The following KLHL1 variants were observed in gnomAD, a reference collection of about 807,000 sequenced individuals.
KLHL1 encodes kelch like family member 1, also known as kelch-like protein 1.
Under a neutral mutation model 77.7 loss-of-function variants are expected in KLHL1, and 47 were observed. The ratio of observed to expected loss-of-function variants is 0.60; its 90% CI spans 0.48 to 0.77. KLHL1 has a LOEUF of 0.77. Among genes scored for constraint, KLHL1 ranks in the 30% least tolerant of loss-of-function variants. The pLI is 0.00. For missense variants in KLHL1, 925 were observed against 910.8 expected, an observed-to-expected ratio of 1.02 and a Z score of -0.20; for synonymous variants, 360 against 325.2, an observed-to-expected ratio of 1.11 and a Z score of -1.15.
At chr13:69,743,657 G>A (rs1431123134) in intron 7 of KLHL1, among the ~76,000 whole-genome samples, 2 of 151,754 alleles carry the variant, frequency 1.3e-5, no homozygotes, top group African/African-American at 4.8e-5. Flanking sequence ...ATGGTGATGC[G>A]TGCCTGTAAT....
chr13:70,027,574 C>T (rs2137360949), intron 1 of KLHL1, among the ~76,000 whole-genome samples: 1 of 151,118 alleles, frequency 6.6e-6, no homozygotes, highest in East Asian at 1.9e-4. Flanking sequence ...TGCTTTTCTA[C>T]CATGACAATT....
intron 4 of KLHL1, among the ~76,000 whole-genome samples, chr13:69,904,924 CAAT>C (rs538684104): frequency 6.6e-6 from 1 of 152,108 alleles, no homozygotes; most frequent in South Asian, 2.1e-4. Flanking sequence ...GCATTTTCTA[CAAT>C]AATAATATGC....
chr13:69,933,929 T>C (rs1217349533), intron 4 of KLHL1, among the ~76,000 whole-genome samples: 2 of 152,234 alleles, frequency 1.3e-5, no homozygotes, highest in African/African-American at 4.8e-5. Flanking sequence ...CTTAATATTA[T>C]GGGCAATATG....
chr13:69,889,736 G>A (rs1881356767), intron 4 of KLHL1, among the ~76,000 whole-genome samples: 1 of 151,962 alleles, frequency 6.6e-6, no homozygotes, highest in Non-Finnish European at 1.5e-5. Context: ...AAGGAGCTGG[G>A]TTTCTTGTAT....
intron 9 of KLHL1, among the ~76,000 whole-genome samples, chr13:69,715,780 CA>C (rs1355066486): frequency 6.6e-6 from 1 of 151,922 alleles, no homozygotes; most frequent in Non-Finnish European, 1.5e-5. Flanking sequence ...CAGCTGACTC[CA>C]GCAATAATAT....
intron 5 of KLHL1, among the ~76,000 whole-genome samples, chr13:69,870,961 T>C (rs1880559327): frequency 6.6e-6 from 1 of 151,996 alleles, no homozygotes; most frequent in Non-Finnish European, 1.5e-5. Flanking sequence ...ACTGCCAGTG[T>C]CTCTATAATT....
intron 8 of KLHL1, among the ~76,000 whole-genome samples, chr13:69,733,919 T>C (rs1182109361): frequency 2.0e-5 from 3 of 152,212 alleles, no homozygotes; most frequent in Non-Finnish European, 4.4e-5. Flanking sequence ...TTATTCTTAA[T>C]AGTCAAGAAG....
At chr13:70,054,602 A>T (rs1020228503) in intron 1 of KLHL1, among the ~76,000 whole-genome samples, 4 of 152,092 alleles carry the variant, frequency 2.6e-5, no homozygotes, top group Non-Finnish European at 5.9e-5. Context: ...AGTGACATAA[A>T]TATGTAACCT....
At chr13:69,996,047 G>A (rs1885142679) in intron 1 of KLHL1, among the ~76,000 whole-genome samples, 1 of 152,144 alleles carries the variant, frequency 6.6e-6, no homozygotes, top group Non-Finnish European at 1.5e-5. Flanking sequence ...GCTCACGCCT[G>A]TAATCCCAGC....
chr13:69,925,545 GAC>G (rs1459043949), intron 4 of KLHL1, among the ~76,000 whole-genome samples: 4 of 152,038 alleles, frequency 2.6e-5, no homozygotes, highest in Non-Finnish European at 5.9e-5. Flanking sequence ...TGTGAACATT[GAC>G]ACTGTTGAAG....
At chr13:69,709,450 G>A (rs1396665500) in intron 9 of KLHL1, among the ~76,000 whole-genome samples, 3 of 151,950 alleles carry the variant, frequency 2.0e-5, no homozygotes, top group Admixed American at 6.6e-5. Flanking sequence ...AAATAATTAG[G>A]AAGAAGTAAC....
chr13:69,936,410 G>C (rs988401996), intron 4 of KLHL1, among the ~76,000 whole-genome samples: 3 of 125,492 alleles, frequency 2.4e-5, no homozygotes, highest in Non-Finnish European at 3.8e-5. Context: ...CCAACAAGGT[G>C]AAACCTCGTC....
intron 4 of KLHL1, among the ~76,000 whole-genome samples, chr13:69,924,359 C>A (rs1227180216): frequency 6.6e-6 from 1 of 152,112 alleles, no homozygotes; most frequent in Non-Finnish European, 1.5e-5. Context: ...ATGAAGCAAT[C>A]AGCATTCACT....
At chr13:69,982,359 C>A (rs1884734704) in intron 1 of KLHL1, among the ~76,000 whole-genome samples, 1 of 150,550 alleles carries the variant, frequency 6.6e-6, no homozygotes, top group Non-Finnish European at 1.5e-5. Context: ...TTGCTTGAAC[C>A]CGAAAGGTGG....
intron 7 of KLHL1, among the ~76,000 whole-genome samples, chr13:69,789,449 T>G (rs1593834411): frequency 1.3e-5 from 2 of 152,136 alleles, no homozygotes; most frequent in Admixed American, 1.3e-4. Flanking sequence ...AATCCAAAGT[T>G]TTCCTTGTAA....
At chr13:69,807,718 C>T (rs999431460) in intron 6 of KLHL1, among the ~76,000 whole-genome samples, 9 of 152,108 alleles carry the variant, frequency 5.9e-5, no homozygotes, top group African/African-American at 1.9e-4. Flanking sequence ...TTCCAGAGCT[C>T]CAATGAGTGG....
At chr13:69,926,814 G>T (rs1453283917) in intron 4 of KLHL1, among the ~76,000 whole-genome samples, 2 of 151,542 alleles carry the variant, frequency 1.3e-5, no homozygotes, top group Non-Finnish European at 2.9e-5. Context: ...GGGTATGGTG[G>T]CGGGTGCCTG....
intron 1 of KLHL1, among the ~76,000 whole-genome samples, chr13:70,044,495 A>G (rs893294070): frequency 3.9e-5 from 6 of 152,190 alleles, no homozygotes; most frequent in Non-Finnish European, 2.9e-5. Context: ...GTTTACATGA[A>G]AAAATACATA....
chr13:69,736,531 C>T (rs1873767666), intron 8 of KLHL1, among the ~76,000 whole-genome samples: 1 of 152,026 alleles, frequency 6.6e-6, no homozygotes, highest in South Asian at 2.1e-4. Flanking sequence ...CCAGCAATCC[C>T]ACTGCTGGGC....
Sources: gnomAD v4.1 joint callset for allele counts (sites outside exome capture counted in the v4.1 genomes callset) on GRCh38, gnomAD v4.1.1 for gene constraint, MANE v1.5 for transcripts, NCBI Gene and HGNC (gene_info 2026-07-23, HGNC 2026-07-21) for gene names.